DHRSX: variants seen among roughly 807,000 people sequenced by gnomAD.
DHRSX encodes the protein polyprenol dehydrogenase.
Under a neutral mutation model 34.0 loss-of-function variants are expected in DHRSX, and 31 were observed. That is an observed-to-expected ratio of 0.91 (90% CI 0.69 to 1.23). The LOEUF (loss-of-function observed/expected upper bound fraction) is 1.23, where lower values mean the gene tolerates loss of function less well. DHRSX is among the 50% of genes most tolerant of loss of function. The pLI is 0.00. For missense variants in DHRSX, 414 were observed against 428.1 expected, an observed-to-expected ratio of 0.97 and a Z score of 0.29; for synonymous variants, 201 against 183.8, an observed-to-expected ratio of 1.09 and a Z score of -0.76.
At chrX:2,485,708 AGG>A (rs2044882757) in intron 1 of DHRSX, among the ~76,000 whole-genome samples, 2 of 66,440 alleles carry the variant, frequency 3.0e-5, no homozygotes, top group South Asian at 1.7e-3. Flanking sequence ...GAGGGGAGGG[AGG>A]GAACGGAGAG....
chrX:2,231,664 T>A (rs1370876041), intron 6 of DHRSX, among the ~76,000 whole-genome samples: 1 of 150,522 alleles, frequency 6.6e-6, no homozygotes, highest in African/African-American at 2.5e-5. Context: ...TTTTCTTCTT[T>A]TTTTCTTTCT....
chrX:2,346,735 G>A (rs1275736010), intron 3 of DHRSX, among the ~76,000 whole-genome samples: 3 of 151,844 alleles, frequency 2.0e-5, no homozygotes, highest in Non-Finnish European at 2.9e-5. Flanking sequence ...GTGCCATGGT[G>A]GTTTGCTGCA....
intron 3 of DHRSX, among the ~76,000 whole-genome samples, chrX:2,298,307 C>T (rs1282530557): frequency 1.5e-5 from 2 of 134,608 alleles, no homozygotes; most frequent in Admixed American, 7.5e-5. Context: ...GCAAGTTCCC[C>T]AGTTTTGGTG....
chrX:2,444,021 A>G (rs1303040437), intron 1 of DHRSX, among the ~76,000 whole-genome samples: 1 of 151,656 alleles, frequency 6.6e-6, no homozygotes, highest in Non-Finnish European at 1.5e-5. Context: ...AAAAAAAAAA[A>G]AAAAAAGGGC....
intron 5 of DHRSX, 143 bp from the exon 6 acceptor site, chrX:2,243,373 T>C (rs1388240319): frequency 5.3e-5 from 35 of 660,550 alleles, no homozygotes; most frequent in Non-Finnish European, 8.3e-5. Context: ...ATGCCATCTG[T>C]TGGCCAGTTT....
chrX:2,319,643 C>G (rs773054848), intron 3 of DHRSX, among the ~76,000 whole-genome samples: 1 of 147,186 alleles, frequency 6.8e-6, no homozygotes, highest in African/African-American at 2.5e-5. Context: ...CATTTTTTTT[C>G]TAGCTGACTT....
intron 1 of DHRSX, 48 bp from the exon 2 acceptor site, chrX:2,425,352 GC>G: frequency 6.6e-7 from 1 of 1,507,798 alleles, no homozygotes; most frequent in Non-Finnish European, 9.2e-7. Context: ...TGAAAGCAGA[GC>G]ACATATTTGT....
intron 4 of DHRSX, among the ~76,000 whole-genome samples, chrX:2,291,143 C>T (rs34658541): frequency 0.37 from 56,829 of 151,832 alleles, 11,709 homozygotes; most frequent in Middle Eastern, 0.52. Flanking sequence ...TGGTAATGAG[C>T]TTCTAGTGCC....
chrX:2,411,736 A>G (rs1260722785), intron 2 of DHRSX, among the ~76,000 whole-genome samples: 2 of 99,004 alleles, frequency 2.0e-5, no homozygotes, highest in Non-Finnish European at 4.0e-5. Context: ...CAAAAAGAAA[A>G]CAAAACAAAA....
chrX:2,403,793 T>G (rs535500656), intron 3 of DHRSX, among the ~76,000 whole-genome samples: 1 of 148,042 alleles, frequency 6.8e-6, no homozygotes, highest in South Asian at 2.2e-4. Flanking sequence ...GAGGCGGAGG[T>G]TGCAGTGAGC....
At chrX:2,448,563 T>C (rs28469201) in intron 1 of DHRSX, among the ~76,000 whole-genome samples, 21 of 148,662 alleles carry the variant, frequency 1.4e-4, no homozygotes, top group East Asian at 5.9e-4. Flanking sequence ...ATTAGCTTGA[T>C]TGTTAATGTG....
At chrX:2,494,052 G>C (rs1260134593) in intron 1 of DHRSX, among the ~76,000 whole-genome samples, 1 of 152,044 alleles carries the variant, frequency 6.6e-6, no homozygotes, top group Non-Finnish European at 1.5e-5. Flanking sequence ...CCCGATACCT[G>C]GAAGAAAAGT....
At chrX:2,378,544 G>A (rs957710946) in intron 3 of DHRSX, among the ~76,000 whole-genome samples, 13 of 151,972 alleles carry the variant, frequency 8.6e-5, no homozygotes, top group Admixed American at 5.9e-4. Context: ...TCATCCTTAC[G>A]ATTTTCTTAA....
Position 2,425,285 on chromosome X carries a change from G to A in DHRSX, c.129C>T (p.Asp43=), listed in dbSNP as rs1437067774. Residue 43 remains aspartate (D), a synonymous_variant, in exon 2 of 7, where the codon GAC becomes GAT. Transcript: ENST00000334651. ...TCCCTCCCGTCACTATAGCGACACG[G>A]TCAGGTCGTGGGGGGAAAACTGAAA... ...FLEPVFPPRP[D]RVAIVTGGTD... is the part of the protein sequence containing the mutation. 3 of 1,613,810 alleles carry A rather than the reference G, an allele frequency of 1.9e-6. No homozygotes were observed. The highest frequency in any genetic ancestry group is 1.1e-5 in the South Asian group (1 of 91,078).
At chrX:2,458,541 G>T (rs142534734) in intron 1 of DHRSX, among the ~76,000 whole-genome samples, 1 of 152,154 alleles carries the variant, frequency 6.6e-6, no homozygotes, top group Non-Finnish European at 1.5e-5. Context: ...ACATGGGTGG[G>T]ACTGAAAGAT....
intron 5 of DHRSX, among the ~76,000 whole-genome samples, chrX:2,249,884 C>A (rs1318532531): frequency 6.6e-6 from 1 of 151,792 alleles, no homozygotes; most frequent in Admixed American, 6.6e-5. Flanking sequence ...AAACCTTGGG[C>A]CAGGCATGGT....
At position 2,384,753 on chromosome X, in the gene DHRSX, G is replaced by A. The variant is rs190536493; in HGVS notation, c.286+23992C>T. On this transcript the variant is annotated intron_variant, in intron 3 of 6. Transcript: ENST00000334651. ...CAGGAAGGGGAACATCACACTCTGC[G>A]GACTGTTGTGGGGTGGGGGGAGGGG... is the stretch of plus-strand genomic sequence containing the variant. 2.2e-3 allele frequency among the ~76,000 whole-genome samples: 260 copies of A among 120,704 alleles called. 7 individuals are homozygous for A. The East Asian group carries it at 0.068, about 31-fold the overall frequency. 79.2% of individuals were successfully genotyped at this position (120,704 alleles called of 152,430 possible).
intron 6 of DHRSX, among the ~76,000 whole-genome samples, chrX:2,239,659 C>T (rs2016095531): frequency 6.6e-6 from 1 of 151,962 alleles, no homozygotes; most frequent in Non-Finnish European, 1.5e-5. Flanking sequence ...GTCCCATTTA[C>T]TCGGGAGGCT....
chrX:2,258,596 C>A (rs2041312160), intron 5 of DHRSX, among the ~76,000 whole-genome samples: 1 of 152,112 alleles, frequency 6.6e-6, no homozygotes, highest in African/African-American at 2.4e-5. Flanking sequence ...CACACCCACA[C>A]CTTGATCTGG....
Sources: gnomAD v4.1 joint callset for allele counts (sites outside exome capture counted in the v4.1 genomes callset) on GRCh38, gnomAD v4.1.1 for gene constraint, MANE v1.5 for transcripts, NCBI Gene and HGNC (gene_info 2026-07-23, HGNC 2026-07-21) for gene names.